The following FCRL6 variants were observed in gnomAD, a reference collection of about 807,000 sequenced individuals.
The protein encoded by FCRL6 is Fc receptor-like protein 6.
In FCRL6, 50 loss-of-function variants were observed where a neutral mutation model predicts 49.1. That is an observed-to-expected ratio of 1.02 (90% CI 0.81 to 1.29). The LOEUF (loss-of-function observed/expected upper bound fraction) is 1.29. Ranked by LOEUF, FCRL6 falls within the 50% of genes most tolerant of loss-of-function variation. FCRL6 has a pLI of 0.00. For synonymous variants in FCRL6, 213 were observed against 199.6 expected (o/e 1.07, Z -0.57); for missense variants, 571 against 518.5 (o/e 1.10, Z -0.98).
intron 7 of FCRL6, 93 bp from the exon 8 acceptor site, chr1:159,814,128 C>T (rs1557879312): frequency 2.6e-6 from 3 of 1,155,036 alleles, no homozygotes; most frequent in East Asian, 2.3e-5. Flanking sequence ...ATAACAGAGC[C>T]CCTGATGGGC....
chr1:159,815,805 G>T lies in FCRL6; in HGVS notation c.*144G>T. The T allele has an allele frequency of 2.0e-6, 2 of 988,788 alleles. No individual in the cohort carries two copies. Among genetic ancestry groups the T allele is most frequent in the Non-Finnish European group, 2.9e-6 (2 of 679,002 alleles). 61.3% of individuals were successfully genotyped at this position (988,788 alleles called of 1,614,324 possible). A position where few individuals can be genotyped will look rare whatever the true frequency, so the allele number is the denominator to read the frequency against. On this transcript the variant is annotated 3_prime_UTR_variant, in exon 10 of 10. Transcript: ENST00000368106. ...CCCCCTGAGCCCTTGTCCTGGTCAG[G>T]AGCACCTGAACCCTGGGTTCTTTTC...
intron 7 of FCRL6, 26 bp from the exon 8 acceptor site, chr1:159,814,195 T>C (rs1466278380): frequency 1.2e-6 from 2 of 1,606,510 alleles, no homozygotes; most frequent in Admixed American, 3.3e-5. Context: ...AGGAGGATCC[T>C]ATTTAAGCCT....
At chr1:159,802,212 A>T, upstream of FCRL6, 1 of 531,528 alleles carries the variant, frequency 1.9e-6, no homozygotes, top group South Asian at 2.3e-5. Flanking sequence ...GTTCAGGAAA[A>T]TTTATTCATG....
Position 159,810,149 on chromosome 1 carries a change from G to A in FCRL6, c.942G>A (p.Ala314=), listed in dbSNP as rs141393415. Residue 314 remains alanine (A), a synonymous_variant, in exon 6 of 10, where the codon GCG becomes GCA. Transcript: ENST00000368106. ...ACTGGCTGGTTCCTTGGCTTCCTGC[G>A]AGCCTGCTTGGCCTGATGGTTATTG... ...ASNWLVPWLP[A]SLLGLMVIAA... 71 of 1,613,822 alleles carry A rather than the reference G, an allele frequency of 4.4e-5. No homozygotes were observed. Among genetic ancestry groups the A allele is most frequent in the Middle Eastern group, 1.6e-4 (1 of 6,080 alleles).
intron 2 of FCRL6, 37 bp from the exon 3 acceptor site, chr1:159,808,141 T>A (rs1159361650): frequency 7.6e-6 from 12 of 1,580,156 alleles, no homozygotes; most frequent in Non-Finnish European, 9.5e-6. Flanking sequence ...TGATGGGACC[T>A]GTAGCTCCAG....
chr1:159,808,905 C>G, intron 3 of FCRL6, 56 bp from the exon 4 acceptor site: 2 of 1,512,958 alleles, frequency 1.3e-6, no homozygotes, highest in Non-Finnish European at 1.8e-6. Flanking sequence ...CCTCAGCCTC[C>G]TGGGGCTTCA....
At chr1:159,800,875 G>T (rs920427835), upstream of FCRL6, among the ~76,000 whole-genome samples, 13 of 152,136 alleles carry the variant, frequency 8.5e-5, no homozygotes, top group African/African-American at 3.1e-4. Flanking sequence ...GTCAGAAAAT[G>T]CTTAGCCAGG....
At position 159,808,357 on chromosome 1, in the gene FCRL6, C is replaced by T. The variant is rs780674077; in HGVS notation, c.232C>T (p.Arg78Cys). Residue 78 changes from arginine to cysteine, a missense_variant, in exon 3 of 10, where the codon CGT (arginine) becomes TGT (cysteine). Transcript: ENST00000368106. ...CATGGGAGCAGCAACAGTGCAGAGC[C>T]GTGGCCAGTACAGCTGCTCTGGGCA... ...LSMGAATVQS[R>C]GQYSCSGQVM... The T allele has an allele frequency of 7.4e-6, 12 of 1,614,044 alleles. No individual in the cohort carries two copies. Among genetic ancestry groups the T allele is most frequent in the Admixed American group, 3.3e-5 (2 of 60,012 alleles).
chr1:159,808,754 A>C, intron 3 of FCRL6: 1 of 620,894 alleles, frequency 1.6e-6, no homozygotes, highest in East Asian at 2.8e-5. Context: ...TCTGCCTCTG[A>C]CTTCCAAGAT....
intron 6 of FCRL6, among the ~76,000 whole-genome samples, chr1:159,812,636 G>A (rs573712437): frequency 1.8e-4 from 27 of 152,326 alleles, no homozygotes; most frequent in Admixed American, 5.2e-4. Flanking sequence ...CAGCCCTGAC[G>A]AATGAGCGTT....
intron 2 of FCRL6, 118 bp downstream of exon 2, chr1:159,806,734 T>C (rs1184457568): frequency 9.8e-7 from 1 of 1,020,560 alleles, no homozygotes; most frequent in Non-Finnish European, 1.6e-6. Flanking sequence ...AGCACCAGAC[T>C]AGGCCCCTTC....
At chr1:159,805,266 T>C (rs981084083) in intron 1 of FCRL6, among the ~76,000 whole-genome samples, 1 of 152,154 alleles carries the variant, frequency 6.6e-6, no homozygotes, top group African/African-American at 2.4e-5. Context: ...TCCACCTGTG[T>C]CCAAAGTAGT....
intron 8 of FCRL6, 98 bp downstream of exon 8, chr1:159,814,390 A>G (rs1663267540): frequency 6.0e-6 from 5 of 829,416 alleles, no homozygotes; most frequent in Non-Finnish European, 1.0e-5. Context: ...TTTTATCATT[A>G]CTGTGACCAC....
At chr1:159,800,513 C>A (rs770945021), upstream of FCRL6, 181 of 1,252,884 alleles carry the variant, frequency 1.4e-4, no homozygotes, top group Non-Finnish European at 2.0e-4. Context: ...AGGGACTCCA[C>A]ACACCCACAG....
intron 1 of FCRL6, among the ~76,000 whole-genome samples, chr1:159,805,844 C>T (rs542279780): frequency 6.6e-6 from 1 of 152,322 alleles, no homozygotes; most frequent in African/African-American, 2.4e-5. Flanking sequence ...AGAGATGGGA[C>T]CACAAGAATC....
intron 6 of FCRL6, among the ~76,000 whole-genome samples, chr1:159,813,170 G>A (rs1333322019): frequency 6.6e-6 from 1 of 152,166 alleles, no homozygotes; most frequent in Non-Finnish European, 1.5e-5. Flanking sequence ...TATAGTGTAT[G>A]GTCAAAGTTA....
In FCRL6 at chr1:159,802,379, A is replaced by T. The variant is rs778398885; in HGVS notation, c.-46A>T. Reference sequence around the variant, plus strand: ...GTTGCTCTCTGCCGGCTTCGCCCTGACCTGTTTCTGACCTGTGTTCCCTCC... The same window carrying T: ...GTTGCTCTCTGCCGGCTTCGCCCTGTCCTGTTTCTGACCTGTGTTCCCTCC... On this transcript the variant is annotated 5_prime_UTR_variant, in exon 1 of 10. Coordinates refer to ENST00000368106, the MANE Select transcript of FCRL6 (RefSeq NM_001004310.3). 6.2e-7 allele frequency: 1 copy of T among 1,611,782 alleles called. No individual in the cohort carries two copies. Among genetic ancestry groups the T allele is most frequent in the South Asian group, 1.1e-5 (1 of 90,714 alleles).
intron 2 of FCRL6, among the ~76,000 whole-genome samples, chr1:159,806,985 C>A (rs1366978681): frequency 6.6e-6 from 1 of 152,194 alleles, no homozygotes; most frequent in Non-Finnish European, 1.5e-5. Flanking sequence ...GCAGCAGGCA[C>A]CTTTTTCTGC....
intron 3 of FCRL6, 106 bp from the exon 4 acceptor site, chr1:159,808,855 G>T: frequency 4.8e-6 from 6 of 1,240,242 alleles, no homozygotes; most frequent in Non-Finnish European, 6.6e-6. Context: ...CCTCCCATCG[G>T]GGTCCCCGGG....
Sources: allele counts gnomAD v4.1 joint callset (sites outside exome capture counted in the v4.1 genomes callset), GRCh38; gene constraint gnomAD v4.1.1; transcripts MANE v1.5; gene names NCBI Gene and HGNC (gene_info 2026-07-23, HGNC 2026-07-21).